MAP2: variants seen among roughly 807,000 people sequenced by gnomAD.
MAP2 encodes microtubule-associated protein 2.
MAP2 carries 14 observed loss-of-function variants against 137.6 expected under a neutral mutation model. The observed-to-expected ratio is 0.10, with a 90% CI of 0.07 to 0.16. MAP2 has a LOEUF of 0.16. Among genes scored for constraint, MAP2 ranks in the 10% least tolerant of loss-of-function variants. The pLI, the probability that MAP2 is intolerant of heterozygous loss-of-function variation, is 1.00. For synonymous variants in MAP2, 786 were observed against 782.3 expected (o/e 1.00, Z -0.08); for missense variants, 2,088 against 2,191.5 (o/e 0.95, Z 0.94).
intron 1 of MAP2, among the ~76,000 whole-genome samples, chr2:209,496,922 G>A (rs1019464991): frequency 1.3e-5 from 2 of 151,804 alleles, no homozygotes; most frequent in Non-Finnish European, 2.9e-5. Flanking sequence ...TAGGACTACA[G>A]GTGTGCACTA....
chr2:209,543,880 A>T (rs16843064), intron 2 of MAP2, among the ~76,000 whole-genome samples: 2 of 152,172 alleles, frequency 1.3e-5, no homozygotes, highest in Non-Finnish European at 2.9e-5. Flanking sequence ...TCATAAATCC[A>T]TGATGTCTGT....
At chr2:209,603,794 G>C (rs80115970) in intron 3 of MAP2, among the ~76,000 whole-genome samples, 1 of 152,028 alleles carries the variant, frequency 6.6e-6, no homozygotes, top group African/African-American at 2.4e-5. Flanking sequence ...TTTCATCAGA[G>C]GAAAGAAACC....
At chr2:209,426,459 G>T (rs1206433276) in intron 1 of MAP2, among the ~76,000 whole-genome samples, 1 of 151,844 alleles carries the variant, frequency 6.6e-6, no homozygotes, top group African/African-American at 2.4e-5. Context: ...CAAGAATTTT[G>T]AATTTAGGAT....
At chr2:209,437,907 A>G (rs568816010) in intron 1 of MAP2, among the ~76,000 whole-genome samples, 1 of 151,808 alleles carries the variant, frequency 6.6e-6, no homozygotes, top group South Asian at 2.1e-4. Context: ...AGAGTCACAG[A>G]GAATTAGAAA....
intron 2 of MAP2, among the ~76,000 whole-genome samples, chr2:209,560,505 G>GTTTTTTTT: frequency 6.7e-6 from 1 of 150,364 alleles, no homozygotes; most frequent in Non-Finnish European, 1.5e-5. Context: ...TTTGAGATAG[G>GTTTTTTTT]GTGTCATTCT....
At chr2:209,435,980 ACAG>A (rs1448432996) in intron 1 of MAP2, among the ~76,000 whole-genome samples, 2 of 106,294 alleles carry the variant, frequency 1.9e-5, no homozygotes, top group Non-Finnish European at 3.4e-5. Flanking sequence ...TATAATATAT[ACAG>A]TATATATTAT....
chr2:209,428,951 A>C (rs1254289881), intron 1 of MAP2, among the ~76,000 whole-genome samples: 1 of 148,422 alleles, frequency 6.7e-6, no homozygotes, highest in Non-Finnish European at 1.5e-5. Flanking sequence ...TTATTTATTT[A>C]TTTATTTATT....
intron 3 of MAP2, among the ~76,000 whole-genome samples, chr2:209,615,673 G>T (rs1411245881): frequency 6.6e-6 from 1 of 152,110 alleles, no homozygotes; most frequent in Non-Finnish European, 1.5e-5. Flanking sequence ...GCAGATACAG[G>T]CAGGTCCCCG....
chr2:209,500,603 T>C (rs2060255797), intron 1 of MAP2, among the ~76,000 whole-genome samples: 1 of 152,186 alleles, frequency 6.6e-6, no homozygotes, highest in African/African-American at 2.4e-5. Flanking sequence ...ATTTTTTTTT[T>C]CCATCGTGGC....
rs765195665 is a variant in MAP2, at chr2:209,729,966, A to G, written c.5268+4A>G. 6.3e-7 allele frequency: 1 copy of G among 1,577,752 alleles called. No homozygotes were observed. The highest frequency in any genetic ancestry group is 8.7e-7 in the Non-Finnish European group (1 of 1,152,528). Reference sequence around the variant, plus strand: ...ACCTGGAGGTGGTAATGTCAAGGTAAGAAACAAGGTTATGAGCCAATCTTG... The same window carrying G: ...ACCTGGAGGTGGTAATGTCAAGGTAGGAAACAAGGTTATGAGCCAATCTTG... On this transcript the variant is annotated splice_donor_region_variant and intron_variant, in intron 15 of 15. Coordinates refer to ENST00000682079, the MANE Select transcript of MAP2 (RefSeq NM_001375505.1).
Position 209,710,038 on chromosome 2 carries a change from C to G in MAP2, c.4857C>G (p.Thr1619=), listed in dbSNP as rs754636742. 6.2e-6 allele frequency: 10 copies of G among 1,613,912 alleles called. No individual in the cohort carries two copies. In the Admixed American group the frequency reaches 1.7e-4, roughly 27 times the overall value. Residue 1619 remains threonine (T), a synonymous_variant, in exon 13 of 16, where the codon ACC becomes ACG. Coordinates refer to ENST00000682079, the MANE Select transcript of MAP2 (RefSeq NM_001375505.1). The stretch of plus-strand genomic sequence containing the variant: ...CACGCACACCAGGCACTCCTGGAAC[C>G]CCTAGCTATCCCAGGACCCCTCACA... The part of the protein sequence containing the change: ...YSSRTPGTPG[T]PSYPRTPHTP...
chr2:209,655,780 C>T (rs1417208884), intron 5 of MAP2, among the ~76,000 whole-genome samples: 1 of 152,170 alleles, frequency 6.6e-6, no homozygotes, highest in Non-Finnish European at 1.5e-5. Flanking sequence ...TTACATTTTT[C>T]CCTATAAAGG....
At chr2:209,427,160 T>G (rs74602905) in intron 1 of MAP2, among the ~76,000 whole-genome samples, 70 of 152,344 alleles carry the variant, frequency 4.6e-4, no homozygotes, top group African/African-American at 1.7e-3. Context: ...TAACTCTGAT[T>G]ATTGAATCCT....
rs186457105 is a variant in MAP2, at chr2:209,424,627, G to T, written c.-222+351G>T. 1.4e-3 allele frequency among the ~76,000 whole-genome samples: 216 copies of T among 152,318 alleles called. 1 individual carries two copies. Among genetic ancestry groups the T allele is most frequent in the African/African-American group, 5.1e-3 (211 of 41,576 alleles). On this transcript the variant is annotated intron_variant, in intron 1 of 15. Transcript: ENST00000682079. Reference sequence around the variant, plus strand: ...TATTACCTGCGCTGTGGAAAGAAGGGGAGTGGATTCTACAAAGATAGTGGA... The same window carrying T: ...TATTACCTGCGCTGTGGAAAGAAGGTGAGTGGATTCTACAAAGATAGTGGA...
intron 14 of MAP2, among the ~76,000 whole-genome samples, chr2:209,727,450 A>G (rs936971915): frequency 1.2e-4 from 18 of 152,222 alleles, no homozygotes; most frequent in Non-Finnish European, 1.9e-4. Flanking sequence ...AAAATTTTAT[A>G]TAGATAAGGA....
intron 2 of MAP2, among the ~76,000 whole-genome samples, chr2:209,566,111 A>G (rs2073357509): frequency 2.6e-5 from 4 of 152,162 alleles, no homozygotes; most frequent in Admixed American, 2.6e-4. Flanking sequence ...ACTCTTTCCA[A>G]GATAATCCTC....
chr2:209,728,400 ACT>A (rs1376077023), intron 14 of MAP2, among the ~76,000 whole-genome samples: 1 of 152,252 alleles, frequency 6.6e-6, no homozygotes, highest in African/African-American at 2.4e-5. Context: ...GAAGAATAAC[ACT>A]CTATAAAATG....
chr2:209,617,811 G>A (rs1028209344), intron 3 of MAP2, among the ~76,000 whole-genome samples: 1 of 152,060 alleles, frequency 6.6e-6, no homozygotes, highest in Non-Finnish European at 1.5e-5. Context: ...AGTCCACAAA[G>A]GGTATAAATT....
At chr2:209,682,459 G>A (rs1158221746) in intron 7 of MAP2, among the ~76,000 whole-genome samples, 1 of 152,100 alleles carries the variant, frequency 6.6e-6, no homozygotes, top group Non-Finnish European at 1.5e-5. Context: ...CCATTACACT[G>A]TAGCCTGGTG....
Sources: allele counts gnomAD v4.1 joint callset (sites outside exome capture counted in the v4.1 genomes callset), GRCh38; gene constraint gnomAD v4.1.1; transcripts MANE v1.5; gene names NCBI Gene and HGNC (gene_info 2026-07-23, HGNC 2026-07-21).